CACNA2D3: variants seen among roughly 807,000 people sequenced by gnomAD.
The protein encoded by CACNA2D3 is voltage-dependent calcium channel subunit alpha-2/delta-3.
Under a neutral mutation model 160.6 loss-of-function variants are expected in CACNA2D3, and 60 were observed. The ratio of observed to expected loss-of-function variants is 0.37; its 90% CI spans 0.30 to 0.46. CACNA2D3 has a LOEUF of 0.46. Ranked by LOEUF, CACNA2D3 falls within the 20% of genes least tolerant of loss-of-function variation. The pLI is 1.00. For missense variants in CACNA2D3, 1,205 were observed against 1,365.0 expected (o/e 0.88, Z 1.85); for synonymous variants, 558 against 492.9 (o/e 1.13, Z -1.75).
At chr3:54,792,476 G>C (rs1559583428) in intron 13 of CACNA2D3, among the ~76,000 whole-genome samples, 1 of 152,182 alleles carries the variant, frequency 6.6e-6, no homozygotes, top group East Asian at 1.9e-4. Context: ...AAACTGAAAT[G>C]TCAAAGTATA....
chr3:54,674,288 G>A (rs368618770), intron 11 of CACNA2D3, among the ~76,000 whole-genome samples: 1 of 152,144 alleles, frequency 6.6e-6, no homozygotes, highest in East Asian at 1.9e-4. Flanking sequence ...CACAGAGCCT[G>A]AGCCTCATTC....
In CACNA2D3 at chr3:54,242,042, T is replaced by C. The variant is rs577596425; in HGVS notation, c.205-78400T>C. On this transcript the variant is annotated intron_variant, in intron 2 of 37. Transcript: ENST00000474759. ...TAGTACCAAAACCTGTATACACTTATGTGTTTTCCTATACATACATACATA... is the reference window on the plus strand; with the variant it reads ...TAGTACCAAAACCTGTATACACTTACGTGTTTTCCTATACATACATACATA... Among the ~76,000 whole-genome samples, 22 of 152,310 alleles carry C rather than the reference T, an allele frequency of 1.4e-4. No individual in the cohort carries two copies. In the South Asian group the frequency reaches 4.1e-3, roughly 29 times the overall value.
intron 2 of CACNA2D3, among the ~76,000 whole-genome samples, chr3:54,287,375 A>G (rs1319937110): frequency 6.6e-6 from 1 of 151,888 alleles, no homozygotes; most frequent in Non-Finnish European, 1.5e-5. Context: ...AGAAGAGCTA[A>G]CTATCCTAAA....
chr3:54,628,319 C>T (rs748040395), intron 10 of CACNA2D3, among the ~76,000 whole-genome samples: 125 of 152,178 alleles, frequency 8.2e-4, no homozygotes, highest in South Asian at 1.4e-3. Context: ...GACTGGCTGG[C>T]CATTTAAGTC....
chr3:54,974,107 A>G (rs948347115), intron 29 of CACNA2D3, among the ~76,000 whole-genome samples: 1 of 152,204 alleles, frequency 6.6e-6, no homozygotes, highest in African/African-American at 2.4e-5. Flanking sequence ...AGCAAAGCTC[A>G]GCCAGTCAGC....
At chr3:54,437,104 A>G (rs187082293) in intron 4 of CACNA2D3, among the ~76,000 whole-genome samples, 5 of 152,314 alleles carry the variant, frequency 3.3e-5, no homozygotes, top group Non-Finnish European at 1.5e-5. Flanking sequence ...CATTTTTCAA[A>G]TCATGGTAAT....
chr3:54,655,390 C>G (rs1019461623), intron 11 of CACNA2D3, among the ~76,000 whole-genome samples: 1 of 152,234 alleles, frequency 6.6e-6, no homozygotes, highest in African/African-American at 2.4e-5. Flanking sequence ...GCACAGTACA[C>G]AATGGCTATA....
intron 12 of CACNA2D3, among the ~76,000 whole-genome samples, chr3:54,753,205 A>G (rs1468157242): frequency 1.3e-5 from 2 of 151,692 alleles, no homozygotes; most frequent in East Asian, 3.9e-4. Flanking sequence ...AAGCCTTTCC[A>G]CTCTTCTGCT....
chr3:54,448,361 C>CTCTTGTTCA (rs1441654978), intron 4 of CACNA2D3, among the ~76,000 whole-genome samples: 10 of 152,278 alleles, frequency 6.6e-5, no homozygotes, highest in Admixed American at 6.5e-4. Context: ...GCAGGAGGAG[C>CTCTTGTTCA]CATCTCCTCT....
intron 4 of CACNA2D3, among the ~76,000 whole-genome samples, chr3:54,408,587 C>G (rs937880494): frequency 1.3e-5 from 2 of 152,088 alleles, no homozygotes; most frequent in African/African-American, 4.8e-5. Context: ...TTCTATTGTT[C>G]TGTCTCCTTT....
At chr3:54,195,531 G>A (rs1701062611) in intron 2 of CACNA2D3, among the ~76,000 whole-genome samples, 1 of 152,198 alleles carries the variant, frequency 6.6e-6, no homozygotes, top group Admixed American at 6.5e-5. Flanking sequence ...CCTTCTCATA[G>A]CCATGTGAAG....
intron 34 of CACNA2D3, among the ~76,000 whole-genome samples, chr3:55,011,896 T>C (rs10049249): frequency 0.58 from 88,773 of 152,064 alleles, 26,168 homozygotes; most frequent in Admixed American, 0.62. Flanking sequence ...TTGACTCACT[T>C]TTCCACAATT....
intron 2 of CACNA2D3, among the ~76,000 whole-genome samples, chr3:54,286,520 G>A (rs1703031109): frequency 6.6e-6 from 1 of 152,234 alleles, no homozygotes; most frequent in African/African-American, 2.4e-5. Context: ...ATATTATCCA[G>A]GAGAACTTCC....
intron 27 of CACNA2D3, among the ~76,000 whole-genome samples, chr3:54,914,906 A>C (rs1700628893): frequency 6.6e-6 from 1 of 152,252 alleles, no homozygotes; most frequent in Non-Finnish European, 1.5e-5. Context: ...ATAGGTTTCT[A>C]ACGGTTGTTG....
chr3:55,005,765 CA>C (rs1411202006), intron 32 of CACNA2D3, among the ~76,000 whole-genome samples: 8 of 151,954 alleles, frequency 5.3e-5, no homozygotes, highest in Admixed American at 5.2e-4. Flanking sequence ...CCTAAAAACA[CA>C]GAAAAAAAAC....
At chr3:54,779,764 C>T (rs1702497033) in intron 13 of CACNA2D3, among the ~76,000 whole-genome samples, 1 of 152,198 alleles carries the variant, frequency 6.6e-6, no homozygotes, top group Admixed American at 6.5e-5. Flanking sequence ...TAAAATGTGT[C>T]CATTGCCTTT....
At chr3:54,408,625 G>A (rs1226670202) in intron 4 of CACNA2D3, among the ~76,000 whole-genome samples, 1 of 151,978 alleles carries the variant, frequency 6.6e-6, no homozygotes, top group Non-Finnish European at 1.5e-5. Context: ...CTACTGTTCT[G>A]CCATTGCCCA....
intron 11 of CACNA2D3, among the ~76,000 whole-genome samples, chr3:54,643,815 G>T (rs537091143): frequency 7.2e-5 from 11 of 152,348 alleles, no homozygotes; most frequent in African/African-American, 2.6e-4. Flanking sequence ...GTGACTGAGG[G>T]TGCTAAGAGG....
intron 18 of CACNA2D3, among the ~76,000 whole-genome samples, chr3:54,878,279 C>G (rs1358629674): frequency 1.3e-5 from 2 of 152,156 alleles, no homozygotes; most frequent in African/African-American, 4.8e-5. Context: ...CATTAACTGG[C>G]CTTCTCTGTC....
Sources: gnomAD v4.1 joint callset for allele counts (sites outside exome capture counted in the v4.1 genomes callset) on GRCh38, gnomAD v4.1.1 for gene constraint, MANE v1.5 for transcripts, NCBI Gene and HGNC (gene_info 2026-07-23, HGNC 2026-07-21) for gene names.